Variants in ARHGAP32 observed in about 807,000 individuals in gnomAD.
ARHGAP32 encodes Rho GTPase activating protein 32.
ARHGAP32 carries 51 observed loss-of-function variants against 186.5 expected under a neutral mutation model. The observed-to-expected ratio is 0.27, with a 90% CI of 0.22 to 0.35. ARHGAP32 has a LOEUF of 0.35. Among genes scored for constraint, ARHGAP32 ranks in the 10% least tolerant of loss-of-function variants. ARHGAP32 has a pLI of 1.00. For synonymous variants in ARHGAP32, 950 were observed against 964.3 expected (o/e 0.99, Z 0.27); for missense variants, 2,186 against 2,623.5 (o/e 0.83, Z 3.64).
At chr11:129,193,548 TAA>T (rs1491335277), upstream of ARHGAP32, among the ~76,000 whole-genome samples, 3 of 46,458 alleles carry the variant, frequency 6.5e-5, no homozygotes, top group African/African-American at 2.1e-4. Flanking sequence ...ATATTATATA[TAA>T]TATATATATA....
intron 1 of ARHGAP32, among the ~76,000 whole-genome samples, chr11:129,200,386 G>A (rs1944443025): frequency 6.6e-6 from 1 of 152,320 alleles, no homozygotes; most frequent in East Asian, 1.9e-4. Context: ...CCCAGTGGGT[G>A]ATAACTGAAT....
intron 6 of ARHGAP32, among the ~76,000 whole-genome samples, chr11:129,075,938 C>T (rs1045148138): frequency 1.3e-5 from 2 of 152,030 alleles, no homozygotes; most frequent in South Asian, 2.1e-4. Context: ...TGAGACAGGT[C>T]GGTACAAAAT....
intron 2 of ARHGAP32, among the ~76,000 whole-genome samples, chr11:129,134,311 T>C (rs1164986214): frequency 1.3e-5 from 2 of 152,046 alleles, no homozygotes; most frequent in East Asian, 3.9e-4. Flanking sequence ...TATTTAAAGT[T>C]TCAAATTTGG....
Position 128,967,193 on chromosome 11 carries a change from C to T in ARHGAP32, c.*1714G>A, listed in dbSNP as rs897415711. On this transcript the variant is annotated 3_prime_UTR_variant, in exon 23 of 23. Coordinates refer to ENST00000682385, the MANE Select transcript of ARHGAP32 (RefSeq NM_001378024.1). ...TCTAAATATAAACCCTTAAAATGCA[C>T]ATTATTTTTTAAAATAAAAACTGGC... 6.6e-6 allele frequency: 1 copy of T among 152,130 alleles called. No homozygotes were observed. The highest frequency in any genetic ancestry group is 6.6e-5 in the Admixed American group (1 of 15,266). The allele number at this position is 152,130 out of a possible 1,614,324, so 9.4% of individuals were successfully genotyped here. A position where few individuals can be genotyped will look rare whatever the true frequency, so the allele number is the denominator to read the frequency against.
chr11:129,099,250 A>G (rs913359307), intron 5 of ARHGAP32, among the ~76,000 whole-genome samples: 2 of 152,226 alleles, frequency 1.3e-5, no homozygotes, highest in Non-Finnish European at 1.5e-5. Context: ...CAAACTGCAT[A>G]TATCACAGTG....
chr11:129,228,927 T>C (rs1319186231), intron 1 of ARHGAP32, among the ~76,000 whole-genome samples: 3 of 152,192 alleles, frequency 2.0e-5, no homozygotes, highest in Non-Finnish European at 4.4e-5. Context: ...TACACGTAAT[T>C]TTATTAAATA....
intron 1 of ARHGAP32, among the ~76,000 whole-genome samples, chr11:129,170,196 CTTTT>C (rs1350108522): frequency 2.1e-5 from 3 of 139,944 alleles, no homozygotes; most frequent in Non-Finnish European, 4.7e-5. Flanking sequence ...TAATTTCTTT[CTTTT>C]TAATTTCTTC....
intron 5 of ARHGAP32, among the ~76,000 whole-genome samples, chr11:129,104,548 T>G (rs1941997013): frequency 6.6e-6 from 1 of 151,826 alleles, no homozygotes; most frequent in Non-Finnish European, 1.5e-5. Context: ...AGGATAAAAT[T>G]TTTAAATGTC....
chr11:129,117,405 T>C (rs1247662395), intron 5 of ARHGAP32, among the ~76,000 whole-genome samples: 1 of 152,040 alleles, frequency 6.6e-6, no homozygotes, highest in Admixed American at 6.6e-5. Context: ...TGATTACTAC[T>C]TTTTAAATGA....
At chr11:129,163,931 A>G (rs506772) in intron 2 of ARHGAP32, among the ~76,000 whole-genome samples, 43,576 of 151,864 alleles carry the variant, frequency 0.29, 6,580 homozygotes, top group Middle Eastern at 0.4. Flanking sequence ...GTTTCTTCCG[A>G]CTTGTTCTCT....
chr11:129,081,412 C>T (rs1196251851), intron 6 of ARHGAP32, among the ~76,000 whole-genome samples: 1 of 151,968 alleles, frequency 6.6e-6, no homozygotes, highest in East Asian at 1.9e-4. Context: ...GATATTACAC[C>T]ATGATCAAGT....
intron 11 of ARHGAP32, among the ~76,000 whole-genome samples, chr11:129,014,407 G>A (rs1938232290): frequency 2.0e-5 from 3 of 152,234 alleles, no homozygotes; most frequent in Non-Finnish European, 2.9e-5. Context: ...CAATCCCAAC[G>A]AATTCTTGCT....
At chr11:129,077,632 C>T (rs533006242) in intron 6 of ARHGAP32, among the ~76,000 whole-genome samples, 1 of 152,078 alleles carries the variant, frequency 6.6e-6, no homozygotes, top group Non-Finnish European at 1.5e-5. Context: ...CCCCACAGCA[C>T]CTGCAGCAAC....
In ARHGAP32 at chr11:128,972,699, A is replaced by G; in HGVS notation, c.3807T>C (p.Asn1269=). The G allele has an allele frequency of 6.2e-7, 1 of 1,614,042 alleles. No homozygotes were observed. Among genetic ancestry groups the G allele is most frequent in the Non-Finnish European group, 8.5e-7 (1 of 1,180,006 alleles). Residue 1269 remains asparagine (N), a synonymous_variant, in exon 22 of 23, where the codon AAT becomes AAC. Transcript: ENST00000682385. ...IYPPSGSPEE[N]TSTATMTYMT... The stretch of plus-strand genomic sequence containing the variant: ...TGTAAGTCATGGTGGCTGTGCTGGT[A>G]TTCTCTTCGGGGGACCCAGAAGGAG...
intron 6 of ARHGAP32, among the ~76,000 whole-genome samples, chr11:129,067,457 C>G (rs1319295658): frequency 1.3e-5 from 2 of 152,018 alleles, no homozygotes; most frequent in Non-Finnish European, 2.9e-5. Context: ...ATACTATCTT[C>G]TAATCTTCTC....
intron 6 of ARHGAP32, among the ~76,000 whole-genome samples, chr11:129,083,980 C>A (rs1465627961): frequency 6.6e-6 from 1 of 151,760 alleles, no homozygotes; most frequent in African/African-American, 2.4e-5. Context: ...TGAATAAGGA[C>A]CGTCACTACA....
chr11:128,997,189 A>G (rs1704554326), intron 12 of ARHGAP32, among the ~76,000 whole-genome samples: 2 of 152,136 alleles, frequency 1.3e-5, no homozygotes, highest in South Asian at 2.1e-4. Flanking sequence ...TGAGTTTTCC[A>G]TGTGCATTTA....
intron 10 of ARHGAP32, among the ~76,000 whole-genome samples, chr11:129,043,374 T>C (rs1005022225): frequency 3.3e-5 from 3 of 91,644 alleles, no homozygotes; most frequent in African/African-American, 1.2e-4. Flanking sequence ...TGCAAATTTC[T>C]TTTTTTCTTT....
intron 1 of ARHGAP32, among the ~76,000 whole-genome samples, chr11:129,232,335 C>G (rs759585376): frequency 7.9e-5 from 12 of 152,090 alleles, no homozygotes; most frequent in Non-Finnish European, 5.9e-5. Context: ...AGTGACTGAA[C>G]TAGAAGATGA....
Sources: allele counts gnomAD v4.1 joint callset (sites outside exome capture counted in the v4.1 genomes callset), GRCh38; gene constraint gnomAD v4.1.1; transcripts MANE v1.5; gene names NCBI Gene and HGNC (gene_info 2026-07-23, HGNC 2026-07-21).